Variants in ACTR1A observed in about 807,000 individuals in gnomAD.
ACTR1A encodes the protein actin related protein 1A.
In ACTR1A, 10 loss-of-function variants were observed where a neutral mutation model predicts 50.7. The observed-to-expected ratio is 0.20, with a 90% confidence interval of 0.12 to 0.33. ACTR1A has a LOEUF of 0.33. Ranked by LOEUF, ACTR1A falls within the 10% of genes least tolerant of loss-of-function variation. The pLI, the probability that ACTR1A is intolerant of heterozygous loss-of-function variation, is 1.00. For synonymous variants in ACTR1A, 177 were observed against 184.2 expected (o/e 0.96, Z 0.32); for missense variants, 253 against 491.7 (o/e 0.51, Z 4.59).
intron 2 of ACTR1A, 106 bp downstream of exon 2, chr10:102,490,443 A>G: frequency 1.2e-6 from 1 of 809,910 alleles, no homozygotes; most frequent in South Asian, 1.7e-5. Context: ...CATGTAGACA[A>G]CTGTTTTCCT....
intron 1 of ACTR1A, among the ~76,000 whole-genome samples, chr10:102,501,613 T>C (rs1265342927): frequency 6.6e-6 from 1 of 152,210 alleles, no homozygotes; most frequent in Admixed American, 6.5e-5. Context: ...TTCTGCATGG[T>C]GGTGCTGGCA....
chr10:102,499,890 T>G (rs1015997637), intron 1 of ACTR1A, among the ~76,000 whole-genome samples: 1 of 152,240 alleles, frequency 6.6e-6, no homozygotes, highest in African/African-American at 2.4e-5. Context: ...TCTTTGTTAC[T>G]TTGATAGAGA....
At chr10:102,487,436 C>T (rs1008568253) in intron 4 of ACTR1A, among the ~76,000 whole-genome samples, 3 of 151,796 alleles carry the variant, frequency 2.0e-5, no homozygotes, top group East Asian at 1.9e-4. Context: ...CAAAATTAGC[C>T]GGGCATGGTG....
chr10:102,491,452 G>C (rs563951612), intron 1 of ACTR1A, among the ~76,000 whole-genome samples: 1 of 152,204 alleles, frequency 6.6e-6, no homozygotes, highest in Non-Finnish European at 1.5e-5. Flanking sequence ...GGTTCTTATT[G>C]CAAGGGCAGA....
chr10:102,482,996 A>G lies in ACTR1A; in HGVS notation c.750+15T>C. On this transcript the variant is annotated intron_variant, in intron 7 of 10. Coordinates refer to ENST00000369905, the MANE Select transcript of ACTR1A (RefSeq NM_005736.4). This position sits in a 1 kb window ranked among gnomAD's most constrained non-coding sequence, Gnocchi z 5.6. ...TGGACCTAAGGGGACCGAAGAAAGA[A>G]GGCAGGCCACCTACCTCAATGGTGC... The G allele has an allele frequency of 6.2e-7, 1 of 1,607,464 alleles. No homozygotes were observed.
chr10:102,491,953 T>G (rs1233931601), intron 1 of ACTR1A, among the ~76,000 whole-genome samples: 1 of 120,138 alleles, frequency 8.3e-6, no homozygotes, highest in Non-Finnish European at 1.7e-5. Context: ...TTTTTTTTAG[T>G]AGAGACAGGG....
intron 1 of ACTR1A, among the ~76,000 whole-genome samples, chr10:102,497,715 T>G (rs1165296898): frequency 6.6e-6 from 1 of 152,000 alleles, no homozygotes; most frequent in Non-Finnish European, 1.5e-5. Context: ...AACAACACAA[T>G]TCTCCTGACT....
rs563951612 is a variant in ACTR1A, at chr10:102,491,452, G to T, written c.49-839C>A. On this transcript the variant is annotated intron_variant, in intron 1 of 10. Transcript: ENST00000369905. ...GAACACGTGCTGTCTGGTTCTTATT[G>T]CAAGGGCAGAGCACGATGCTTTGGG... is the stretch of plus-strand genomic sequence containing the variant. 2.6e-5 allele frequency among the ~76,000 whole-genome samples: 4 copies of T among 152,322 alleles called. No homozygotes were observed. In the East Asian group the frequency reaches 7.7e-4, roughly 29 times the overall value.
intron 2 of ACTR1A, among the ~76,000 whole-genome samples, chr10:102,489,673 G>C (rs1277095915): frequency 6.6e-6 from 1 of 152,198 alleles, no homozygotes; most frequent in African/African-American, 2.4e-5. Context: ...CATTAGCTGG[G>C]CGTGATGGCA....
rs1423209811 is a variant in ACTR1A at position 102,488,362 on chromosome 10, C to A, written c.190-87G>T. 1.3e-6 allele frequency: 2 copies of A among 1,551,294 alleles called. No individual in the cohort carries two copies. The highest frequency in any genetic ancestry group is 8.8e-7 in the Non-Finnish European group (1 of 1,132,158). On this transcript the variant is annotated intron_variant, in intron 3 of 10. Transcript: ENST00000369905. The surrounding 1 kb of genome is among the most constrained non-coding windows in gnomAD (Gnocchi z 4.4). ...AAGACTAAGCAGTGCAAGCTGAATC[C>A]CTTGCAAAGAAGCCTCAGCTTCCTG...
intron 5 of ACTR1A, 117 bp downstream of exon 5, chr10:102,485,492 C>T: frequency 7.1e-7 from 1 of 1,400,400 alleles, no homozygotes. Flanking sequence ...CCATCTTTAA[C>T]CTTTCCCTAG....
At chr10:102,487,279 A>G (rs1055059370) in intron 4 of ACTR1A, among the ~76,000 whole-genome samples, 4 of 152,048 alleles carry the variant, frequency 2.6e-5, no homozygotes, top group Non-Finnish European at 4.4e-5. Context: ...GCCAGGTGCC[A>G]TGGCTCATGC....
intron 1 of ACTR1A, among the ~76,000 whole-genome samples, chr10:102,493,967 A>C (rs1406255474): frequency 6.6e-6 from 1 of 152,230 alleles, no homozygotes; most frequent in African/African-American, 2.4e-5. Context: ...GCAGCCCCCA[A>C]GCAGGCCTGC....
intron 1 of ACTR1A, among the ~76,000 whole-genome samples, chr10:102,498,379 A>G (rs769550967): frequency 6.6e-6 from 1 of 152,044 alleles, no homozygotes; most frequent in African/African-American, 2.4e-5. Flanking sequence ...CAAAACAAAC[A>G]AATGCTTAGC....
chr10:102,499,116 C>T (rs1401854174), intron 1 of ACTR1A, among the ~76,000 whole-genome samples: 1 of 152,114 alleles, frequency 6.6e-6, no homozygotes, highest in Admixed American at 6.6e-5. Flanking sequence ...GGGGCTCTTT[C>T]CCTGCTTTCT....
rs764315656 is a variant in ACTR1A at position 102,502,651 on chromosome 10, A to G, written c.-4T>C. On this transcript the variant is annotated 5_prime_UTR_variant, in exon 1 of 11. Coordinates refer to ENST00000369905, the MANE Select transcript of ACTR1A (RefSeq NM_005736.4). ...CGATCACATCGTAGGACTCCATGGC[A>G]GAGGAATCTCTCCTTCTGGGGAAGG... is the stretch of plus-strand genomic sequence containing the variant. The G allele has an allele frequency of 5.0e-6, 8 of 1,614,206 alleles. No individual in the cohort carries two copies. The highest frequency in any genetic ancestry group is 6.8e-6 in the Non-Finnish European group (8 of 1,180,008).
At chr10:102,502,493 G>C in intron 1 of ACTR1A, 107 bp downstream of exon 1, 1 of 1,271,334 alleles carries the variant, frequency 7.9e-7, no homozygotes, top group African/African-American at 1.5e-5. Context: ...GCGCCTGACA[G>C]GCCGGGCCAG....
intron 4 of ACTR1A, among the ~76,000 whole-genome samples, chr10:102,486,641 C>T (rs912779591): frequency 6.6e-6 from 1 of 151,952 alleles, no homozygotes; most frequent in Admixed American, 6.6e-5. Flanking sequence ...TGCGGTGAGC[C>T]GAGATTGCGC....
At chr10:102,481,015 G>T (rs1473809176) in intron 10 of ACTR1A, 50 bp from the exon 11 acceptor site, 1 of 1,583,544 alleles carries the variant, frequency 6.3e-7, no homozygotes, top group Non-Finnish European at 8.7e-7. Flanking sequence ...GTGGCTGTGT[G>T]TGGAGCCTAC....
Sources: gnomAD v4.1 joint callset for allele counts (sites outside exome capture counted in the v4.1 genomes callset) on GRCh38, gnomAD v4.1.1 for gene constraint, Gnocchi (gnomAD v3.1) non-coding constraint, MANE v1.5 for transcripts, NCBI Gene and HGNC (gene_info 2026-07-23, HGNC 2026-07-21) for gene names.